Variants in KCNK10 observed in about 807,000 individuals in gnomAD.
KCNK10 encodes the protein potassium channel subfamily K member 10.
In KCNK10, 25 loss-of-function variants were observed where a neutral mutation model predicts 47.7. That is an observed-to-expected ratio of 0.52 (90% CI 0.38 to 0.73). KCNK10 has a LOEUF of 0.73. Among genes scored for constraint, KCNK10 ranks in the 30% least tolerant of loss-of-function variants. KCNK10 has a pLI of 0.00. For missense variants in KCNK10, 563 were observed against 714.5 expected, an observed-to-expected ratio of 0.79 and a Z score of 2.42; for synonymous variants, 303 against 285.6, an observed-to-expected ratio of 1.06 and a Z score of -0.61.
intron 2 of KCNK10, among the ~76,000 whole-genome samples, chr14:88,246,401 C>T (rs1177372046): frequency 1.3e-5 from 2 of 152,198 alleles, no homozygotes; most frequent in African/African-American, 2.4e-5. Context: ...ATTCAAAACC[C>T]CAGCAGCAGG....
chr14:88,205,542 C>CTTTTTT (rs200265659), intron 4 of KCNK10, among the ~76,000 whole-genome samples: 584 of 115,668 alleles, frequency 5.0e-3, no homozygotes, highest in East Asian at 0.011. Flanking sequence ...CTTTTCTTTT[C>CTTTTTT]TTTTTTTTTT....
At position 88,322,704 on chromosome 14, in the gene KCNK10, G is replaced by C. The variant is rs562321483; in HGVS notation, c.52+43C>G. ...CTCAAGGAAGCGCGCACACGCCGGAGACAGAGGCAGGGCGAGGGCAGCCAA... is the reference window on the plus strand; with the variant it reads ...CTCAAGGAAGCGCGCACACGCCGGACACAGAGGCAGGGCGAGGGCAGCCAA... On this transcript the variant is annotated intron_variant, in intron 1 of 6. Coordinates refer to ENST00000319231, the MANE Select transcript of KCNK10 (RefSeq NM_138317.3). The surrounding 1 kb of genome is among the most constrained non-coding windows in gnomAD (Gnocchi z 4.8). 11 of 1,613,120 alleles carry C rather than the reference G, an allele frequency of 6.8e-6. No individual in the cohort carries two copies. Among genetic ancestry groups the C allele is most frequent in the Middle Eastern group, 1.7e-4 (1 of 6,058 alleles).
upstream of KCNK10, chr14:88,326,465 ATGCCGCTCCAAGCGGTTC>A (rs746789633): frequency 6.2e-7 from 1 of 1,612,532 alleles, no homozygotes; most frequent in African/African-American, 1.3e-5. Context: ...TCCAAGAAAG[ATGCCGCTCCAAGCGGTTC>A]TGTCTCCCTC....
chr14:88,185,969 C>T lies in KCNK10; in HGVS notation c.1198G>A (p.Glu400Lys), dbSNP rs1323236205. 4 of 1,613,618 alleles carry T rather than the reference C, an allele frequency of 2.5e-6. No individual in the cohort carries two copies. Among genetic ancestry groups the T allele is most frequent in the Non-Finnish European group, 3.4e-6 (4 of 1,179,994 alleles). The change falls in exon 7 of 7, where the codon GAG (glutamate) becomes AAG (lysine). Residue 400 changes from glutamate (E) to lysine (K), a missense_variant. Glu to Lys is a moderately conservative substitution (Grantham distance 56, BLOSUM62 1). Transcript: ENST00000319231. The surrounding 1 kb of genome is among the most constrained non-coding windows in gnomAD (Gnocchi z 4.3). Reference sequence around the variant, plus strand: ...AGGGCAGCAAAGACAGAGCGCTTCTCGGGGGACAGCATGTCCAGTGAGTGG... The same window carrying T: ...AGGGCAGCAAAGACAGAGCGCTTCTTGGGGGACAGCATGTCCAGTGAGTGG... ...RAHSLDMLSP[E>K]KRSVFAALDT... is the part of the protein sequence containing the mutation.
chr14:88,313,428 T>C (rs543850586), intron 1 of KCNK10, among the ~76,000 whole-genome samples: 3 of 152,328 alleles, frequency 2.0e-5, no homozygotes, highest in Non-Finnish European at 4.4e-5. Context: ...CAATATGTGA[T>C]TTTTGAAGTT....
At chr14:88,319,750 C>A (rs561138972) in intron 1 of KCNK10, among the ~76,000 whole-genome samples, 6 of 152,216 alleles carry the variant, frequency 3.9e-5, no homozygotes, top group Admixed American at 2.6e-4. Context: ...GCTTTGGGAA[C>A]CTTACCAGGC....
intron 1 of KCNK10, among the ~76,000 whole-genome samples, chr14:88,312,387 T>C (rs1175780880): frequency 6.6e-6 from 1 of 152,216 alleles, no homozygotes; most frequent in African/African-American, 2.4e-5. Context: ...CTTCTCACTG[T>C]GTGTTTGCCG....
chr14:88,256,288 G>A (rs953316092), intron 2 of KCNK10, among the ~76,000 whole-genome samples: 1 of 152,160 alleles, frequency 6.6e-6, no homozygotes, highest in Non-Finnish European at 1.5e-5. Flanking sequence ...GGGGATATAA[G>A]CCCTTTCACT....
chr14:88,270,527 G>T (rs1887378569), intron 1 of KCNK10, among the ~76,000 whole-genome samples: 1 of 152,162 alleles, frequency 6.6e-6, no homozygotes, highest in Non-Finnish European at 1.5e-5. Context: ...CTCCCTTTGG[G>T]TGAAGCATTG....
intron 1 of KCNK10, among the ~76,000 whole-genome samples, chr14:88,292,006 A>C (rs1197511267): frequency 6.6e-6 from 1 of 152,228 alleles, no homozygotes; most frequent in African/African-American, 2.4e-5. Context: ...GAGACCAGCC[A>C]GGGAGGGCAT....
intron 1 of KCNK10, among the ~76,000 whole-genome samples, chr14:88,284,142 A>G (rs1053360579): frequency 6.6e-6 from 1 of 152,192 alleles, no homozygotes; most frequent in Admixed American, 6.5e-5. Context: ...AGGTCCCAAG[A>G]CTTTTTTAGG....
At chr14:88,287,388 T>C (rs1252910722) in intron 1 of KCNK10, among the ~76,000 whole-genome samples, 1 of 152,182 alleles carries the variant, frequency 6.6e-6, no homozygotes, top group Middle Eastern at 3.2e-3. Flanking sequence ...AGCTCTTTAG[T>C]GGTGACTTGT....
chr14:88,198,656 C>T (rs1339561615), intron 4 of KCNK10, among the ~76,000 whole-genome samples: 1 of 152,122 alleles, frequency 6.6e-6, no homozygotes, highest in African/African-American at 2.4e-5. Context: ...CCAGTGCTTT[C>T]CTTGTATAGG....
At chr14:88,326,005 A>T (rs1301779765), upstream of KCNK10, among the ~76,000 whole-genome samples, 2 of 151,966 alleles carry the variant, frequency 1.3e-5, no homozygotes, top group Admixed American at 6.6e-5. Context: ...ATCAGTGTCT[A>T]GTGCTCCTGG....
chr14:88,272,202 TG>T (rs1887422194), intron 1 of KCNK10, among the ~76,000 whole-genome samples: 1 of 152,210 alleles, frequency 6.6e-6, no homozygotes, highest in Non-Finnish European at 1.5e-5. Flanking sequence ...ATGTACGGCA[TG>T]TTGCTCAATG....
chr14:88,195,937 G>T (rs1884898055), intron 4 of KCNK10, among the ~76,000 whole-genome samples: 1 of 152,224 alleles, frequency 6.6e-6, no homozygotes, highest in South Asian at 2.1e-4. Flanking sequence ...CCAGTAAGCA[G>T]AGCCGCTAGC....
chr14:88,278,921 A>T (rs908758080), intron 1 of KCNK10, among the ~76,000 whole-genome samples: 64 of 152,160 alleles, frequency 4.2e-4, no homozygotes, highest in African/African-American at 1.4e-3. Flanking sequence ...GAGATTTTTA[A>T]TGGCCCCTCA....
intron 3 of KCNK10, among the ~76,000 whole-genome samples, chr14:88,237,310 C>T (rs1886326067): frequency 6.6e-6 from 1 of 152,184 alleles, no homozygotes; most frequent in South Asian, 2.1e-4. Flanking sequence ...TCAGCAGTGG[C>T]ATCCTCTAGT....
intron 3 of KCNK10, 75 bp from the exon 4 acceptor site, chr14:88,227,610 T>A (rs1320553524): frequency 4.3e-6 from 6 of 1,397,096 alleles, no homozygotes; most frequent in Admixed American, 2.3e-5. Flanking sequence ...CAGACTTTTT[T>A]AAAAGTTTGT....
Sources: allele counts gnomAD v4.1 joint callset (sites outside exome capture counted in the v4.1 genomes callset), GRCh38; gene constraint gnomAD v4.1.1; non-coding constraint Gnocchi (gnomAD v3.1); transcripts MANE v1.5; gene names NCBI Gene and HGNC (gene_info 2026-07-23, HGNC 2026-07-21).